CDH4: variants seen among roughly 807,000 people sequenced by gnomAD.
CDH4 encodes cadherin 4.
Under a neutral mutation model 86.0 loss-of-function variants are expected in CDH4, and 33 were observed. The observed-to-expected ratio is 0.38, with a 90% CI of 0.29 to 0.51. CDH4 has a LOEUF of 0.51. Among genes scored for constraint, CDH4 ranks in the 20% least tolerant of loss-of-function variants. The pLI, the probability that CDH4 is intolerant of heterozygous loss-of-function variation, is 0.86. For synonymous variants in CDH4, 555 were observed against 549.4 expected, an observed-to-expected ratio of 1.01 and a Z score of -0.14; for missense variants, 1,114 against 1,307.4, an observed-to-expected ratio of 0.85 and a Z score of 2.28.
At chr20:61,604,932 G>A (rs2086631117) in intron 2 of CDH4, among the ~76,000 whole-genome samples, 1 of 152,094 alleles carries the variant, frequency 6.6e-6, no homozygotes, top group Admixed American at 6.5e-5. Context: ...GGTTCCTGCT[G>A]TCACCATCAC....
In CDH4 at chr20:61,518,795, T is replaced by TCATC. The variant is rs1198103689; in HGVS notation, c.170-224761_170-224758dup. 6.6e-6 allele frequency among the ~76,000 whole-genome samples: 1 copy of TCATC among 151,708 alleles called. No individual in the cohort carries two copies. The highest frequency in any genetic ancestry group is 1.5e-5 in the Non-Finnish European group (1 of 67,910). On this transcript the variant is annotated intron_variant, in intron 2 of 15. Transcript: ENST00000614565. The surrounding 1 kb of genome is among the most constrained non-coding windows in gnomAD (Gnocchi z 6.3). ...ATCCATCCTTTCATCCATCATTCAT[T>TCATC]CATCCATCCACCCATCATCCATCCA...
intron 9 of CDH4, among the ~76,000 whole-genome samples, chr20:61,918,712 G>C (rs2054933170): frequency 6.6e-6 from 1 of 152,114 alleles, no homozygotes; most frequent in South Asian, 2.1e-4. Context: ...TGGTATTGCA[G>C]TGACTGCGTG....
intron 4 of CDH4, among the ~76,000 whole-genome samples, chr20:61,800,259 T>C (rs912688718): frequency 6.6e-6 from 1 of 152,198 alleles, no homozygotes; most frequent in African/African-American, 2.4e-5. Flanking sequence ...ACGGTGCTTC[T>C]GGGAAGCTGC....
intron 2 of CDH4, among the ~76,000 whole-genome samples, chr20:61,425,362 G>A (rs747873939): frequency 5.3e-5 from 8 of 152,158 alleles, no homozygotes; most frequent in South Asian, 2.1e-4. Flanking sequence ...GAAGCGAGCC[G>A]GCCAAGGGAG....
At position 61,709,825 on chromosome 20, in the gene CDH4, AATT is replaced by A. The variant is rs1415435379; in HGVS notation, c.170-33734_170-33732del. ...TGTTTTCCCACAGATGGCACAAGCT[AATT>A]ATTCTCATTTGTGTAGCACCTTACA... On this transcript the variant is annotated intron_variant, in intron 2 of 15. Coordinates refer to ENST00000614565, the MANE Select transcript of CDH4 (RefSeq NM_001794.5). This position sits in a 1 kb window ranked among gnomAD's most constrained non-coding sequence, Gnocchi z 4.8. Among the ~76,000 whole-genome samples, 1 of 152,108 alleles carries A rather than the reference AATT, an allele frequency of 6.6e-6. No homozygotes were observed. Among genetic ancestry groups the A allele is most frequent in the Non-Finnish European group, 1.5e-5 (1 of 68,026 alleles).
chr20:61,418,378 T>C (rs1052636949), intron 2 of CDH4, among the ~76,000 whole-genome samples: 6 of 151,824 alleles, frequency 4.0e-5, no homozygotes, highest in Non-Finnish European at 7.4e-5. Flanking sequence ...ACCTGGCTAA[T>C]TTTTTGTATT....
At chr20:61,391,554 C>T (rs1276685343) in intron 2 of CDH4, among the ~76,000 whole-genome samples, 1 of 152,144 alleles carries the variant, frequency 6.6e-6, no homozygotes, top group African/African-American at 2.4e-5. Flanking sequence ...GAGGAGGCTC[C>T]TTCTTAGACA....
intron 2 of CDH4, among the ~76,000 whole-genome samples, chr20:61,558,821 G>C (rs1476736934): frequency 6.6e-6 from 1 of 152,218 alleles, no homozygotes; most frequent in Non-Finnish European, 1.5e-5. Flanking sequence ...GCAGCCTCCT[G>C]AGAAGGTCTC....
At chr20:61,904,137 C>T (rs981196150) in intron 8 of CDH4, among the ~76,000 whole-genome samples, 2 of 152,198 alleles carry the variant, frequency 1.3e-5, no homozygotes, top group African/African-American at 4.8e-5. Context: ...GGCCCGTAGC[C>T]CCACCCACAC....
At chr20:61,470,414 T>C (rs575663750) in intron 2 of CDH4, among the ~76,000 whole-genome samples, 29 of 143,538 alleles carry the variant, frequency 2.0e-4, no homozygotes, top group African/African-American at 7.2e-4. Flanking sequence ...CTGAATTTAT[T>C]TATCTGTTGT....
rs532351522 is a variant in CDH4 at position 61,928,578 on chromosome 20, G to T, written c.2005+155G>T. ...GGCTGGGGACACTGGCCACGCTTCA[G>T]CTGCTCAGCCTCCTTCACCTGGCCT... On this transcript the variant is annotated intron_variant, in intron 12 of 15. Coordinates refer to ENST00000614565, the MANE Select transcript of CDH4 (RefSeq NM_001794.5). 2.0e-5 allele frequency among the ~76,000 whole-genome samples: 3 copies of T among 152,352 alleles called. No homozygotes were observed. In the East Asian group the frequency reaches 5.8e-4, roughly 29 times the overall value.
chr20:61,872,431 T>C (rs911948372), intron 6 of CDH4, among the ~76,000 whole-genome samples: 12 of 152,112 alleles, frequency 7.9e-5, no homozygotes, highest in Admixed American at 7.9e-4. Context: ...ATCCCAAGGC[T>C]GGTGTGGCGA....
chr20:61,536,690 C>T (rs920971876), intron 2 of CDH4, among the ~76,000 whole-genome samples: 4 of 152,228 alleles, frequency 2.6e-5, no homozygotes, highest in African/African-American at 7.2e-5. Flanking sequence ...TGCATACATA[C>T]GTCTAGGCCT....
At chr20:61,802,747 G>A (rs1211322282) in intron 4 of CDH4, among the ~76,000 whole-genome samples, 1 of 152,196 alleles carries the variant, frequency 6.6e-6, no homozygotes, top group African/African-American at 2.4e-5. Flanking sequence ...GTGCCACCTG[G>A]GCCTAGACGG....
At chr20:61,823,764 G>A (rs6061846) in intron 4 of CDH4, among the ~76,000 whole-genome samples, 8,370 of 152,254 alleles carry the variant, frequency 0.055, 485 homozygotes, top group African/African-American at 0.15. Flanking sequence ...GGTAGCACAA[G>A]AATATATGTG....
At chr20:61,425,518 G>C (rs943774881) in intron 2 of CDH4, among the ~76,000 whole-genome samples, 1 of 152,202 alleles carries the variant, frequency 6.6e-6, no homozygotes, top group African/African-American at 2.4e-5. Flanking sequence ...CTCTGAGGTC[G>C]AGCCTAGGAG....
At chr20:61,732,902 A>G (rs944412823) in intron 2 of CDH4, among the ~76,000 whole-genome samples, 4 of 152,230 alleles carry the variant, frequency 2.6e-5, no homozygotes, top group Admixed American at 1.3e-4. Flanking sequence ...ATCTCAAAGC[A>G]GAAGCTGAAT....
chr20:61,634,855 G>A (rs975402841), intron 2 of CDH4, among the ~76,000 whole-genome samples: 12 of 152,250 alleles, frequency 7.9e-5, no homozygotes, highest in East Asian at 3.9e-4. Context: ...TCCACTGTCC[G>A]TCTCTGTGAT....
chr20:61,469,587 TG>T (rs752402145), intron 2 of CDH4, among the ~76,000 whole-genome samples: 33 of 152,210 alleles, frequency 2.2e-4, no homozygotes, highest in Non-Finnish European at 3.8e-4. Flanking sequence ...TGTCCATTTT[TG>T]CTTTAGTTGC....
Sources: gnomAD v4.1 joint callset for allele counts (sites outside exome capture counted in the v4.1 genomes callset) on GRCh38, gnomAD v4.1.1 for gene constraint, Gnocchi (gnomAD v3.1) non-coding constraint, MANE v1.5 for transcripts, NCBI Gene and HGNC (gene_info 2026-07-23, HGNC 2026-07-21) for gene names.